Variants in CHST8 observed in about 807,000 individuals in gnomAD.
CHST8 encodes the protein carbohydrate sulfotransferase 8.
CHST8 carries 10 observed loss-of-function variants against 15.0 expected under a neutral mutation model. The observed-to-expected ratio is 0.67, with a 90% CI of 0.41 to 1.13. The LOEUF (loss-of-function observed/expected upper bound fraction) is 1.13. Among genes scored for constraint, CHST8 ranks in the 50% most tolerant of loss-of-function variants. CHST8 has a pLI of 0.00. For synonymous variants in CHST8, 259 were observed against 256.6 expected (o/e 1.01, Z -0.09); for missense variants, 634 against 608.2 (o/e 1.04, Z -0.45).
chr19:33,633,369 G>A (rs1409870392), intron 1 of CHST8, among the ~76,000 whole-genome samples: 2 of 152,130 alleles, frequency 1.3e-5, no homozygotes, highest in African/African-American at 4.8e-5. Context: ...ATATTCTTGT[G>A]TGTGTCTCTT....
chr19:33,744,036 C>T (rs916301154), intron 3 of CHST8, among the ~76,000 whole-genome samples: 11 of 152,184 alleles, frequency 7.2e-5, no homozygotes, highest in African/African-American at 2.7e-4. Flanking sequence ...GGTGATCCAC[C>T]TGCCTTGGCC....
intron 3 of CHST8, among the ~76,000 whole-genome samples, chr19:33,757,526 A>AGAGAG (rs1568358815): frequency 1.1e-4 from 2 of 17,656 alleles, no homozygotes; most frequent in African/African-American, 2.3e-4. Context: ...AAGAAAGAGA[A>AGAGAG]AGAAAGAAAG....
chr19:33,661,867 CAAAAAAAAA>C (rs34236738), intron 1 of CHST8, among the ~76,000 whole-genome samples: 20 of 76,702 alleles, frequency 2.6e-4, no homozygotes, highest in South Asian at 1.9e-3. Flanking sequence ...TTCATCTTTA[CAAAAAAAAA>C]AAAAAAAAAA....
intron 3 of CHST8, among the ~76,000 whole-genome samples, chr19:33,746,862 G>T (rs1011130540): frequency 6.6e-6 from 1 of 151,590 alleles, no homozygotes; most frequent in Non-Finnish European, 1.5e-5. Flanking sequence ...TCCATAAGAT[G>T]CTCTGGTCAT....
chr19:33,658,972 T>C (rs542378108), intron 1 of CHST8, among the ~76,000 whole-genome samples: 173 of 152,168 alleles, frequency 1.1e-3, no homozygotes, highest in African/African-American at 3.9e-3. Context: ...ATTTATACTT[T>C]TCTACTAAAA....
chr19:33,756,839 C>G (rs1397404973), intron 3 of CHST8, among the ~76,000 whole-genome samples: 3 of 152,254 alleles, frequency 2.0e-5, no homozygotes, highest in Non-Finnish European at 4.4e-5. Flanking sequence ...GTCTCTCCGC[C>G]CTCCCCACTT....
intron 1 of CHST8, among the ~76,000 whole-genome samples, chr19:33,643,956 G>A (rs918791527): frequency 1.5e-4 from 23 of 151,552 alleles, no homozygotes; most frequent in Admixed American, 1.1e-3. Context: ...TTTTTGAAAC[G>A]GAGTCTCGCT....
chr19:33,703,632 G>A (rs1292172968), intron 3 of CHST8, among the ~76,000 whole-genome samples: 1 of 152,242 alleles, frequency 6.6e-6, no homozygotes, highest in East Asian at 1.9e-4. Flanking sequence ...CTTGCATTGA[G>A]GTTGACACCA....
At chr19:33,771,737 G>A (rs988305129) in intron 4 of CHST8, among the ~76,000 whole-genome samples, 2 of 152,116 alleles carry the variant, frequency 1.3e-5, no homozygotes, top group African/African-American at 2.4e-5. Flanking sequence ...TGGGAGGACC[G>A]CGCCATCTTG....
intron 3 of CHST8, among the ~76,000 whole-genome samples, chr19:33,695,462 C>G (rs756561482): frequency 6.6e-6 from 1 of 152,044 alleles, no homozygotes; most frequent in Admixed American, 6.6e-5. Context: ...TTTTTGGTTA[C>G]GTGGGTAAGT....
At chr19:33,762,406 G>A (rs565042763) in intron 3 of CHST8, among the ~76,000 whole-genome samples, 36 of 152,350 alleles carry the variant, frequency 2.4e-4, no homozygotes, top group African/African-American at 8.4e-4. Flanking sequence ...AGCTCCAAGG[G>A]AATTCACGAC....
intron 3 of CHST8, among the ~76,000 whole-genome samples, chr19:33,749,059 G>A (rs1974365253): frequency 6.6e-6 from 1 of 152,168 alleles, no homozygotes; most frequent in African/African-American, 2.4e-5. Flanking sequence ...CAGCAAGGGG[G>A]GCCCCCAGCA....
chr19:33,653,846 G>T (rs969382067), intron 1 of CHST8, among the ~76,000 whole-genome samples: 5 of 152,180 alleles, frequency 3.3e-5, no homozygotes, highest in Non-Finnish European at 7.3e-5. Flanking sequence ...AAACCTTGGT[G>T]ATTAATGTTC....
chr19:33,684,970 C>G (rs565873235), intron 2 of CHST8: 30 of 152,384 alleles, frequency 2.0e-4, no homozygotes, highest in Admixed American at 1.8e-3. Flanking sequence ...CTCTCCTGCC[C>G]GTGTGGTGCA....
At position 33,772,439 on chromosome 19, in the gene CHST8, G is replaced by A. The variant is rs931362185; in HGVS notation, c.651G>A (p.Ser217=). The A allele has an allele frequency of 1.9e-6, 3 of 1,611,726 alleles. No individual in the cohort carries two copies. The highest frequency in any genetic ancestry group is 1.7e-5 in the Admixed American group (1 of 60,024). The change falls in exon 5 of 5, where the codon TCG becomes TCA. Residue 217 remains serine, a synonymous_variant. Transcript: ENST00000650847. The stretch of plus-strand genomic sequence containing the variant: ...TCATGGTGCTGGCCGGCCTGGCCTC[G>A]TCCACTGCCGACATCCAGCACAACA... The part of the protein sequence containing the change: ...RVLMVLAGLA[S]STADIQHNTV...
chr19:33,676,847 A>T (rs1307833508), intron 2 of CHST8, among the ~76,000 whole-genome samples: 1 of 151,962 alleles, frequency 6.6e-6, no homozygotes, highest in Non-Finnish European at 1.5e-5. Flanking sequence ...ACTGCACTCC[A>T]GCCCAGGTGA....
intron 2 of CHST8, among the ~76,000 whole-genome samples, chr19:33,687,748 C>G (rs1028647448): frequency 3.9e-5 from 6 of 152,190 alleles, no homozygotes; most frequent in Admixed American, 2.0e-4. Flanking sequence ...GAGTCGTGGG[C>G]AGGGGAGCAG....
At chr19:33,701,585 A>G (rs867188455) in intron 3 of CHST8, among the ~76,000 whole-genome samples, 22 of 152,368 alleles carry the variant, frequency 1.4e-4, no homozygotes, top group African/African-American at 4.8e-4. Flanking sequence ...ATGTTTTAAA[A>G]GGAACTACAG....
intron 3 of CHST8, among the ~76,000 whole-genome samples, chr19:33,749,116 C>T (rs964328528): frequency 4.6e-5 from 7 of 152,118 alleles, no homozygotes; most frequent in Admixed American, 6.5e-5. Context: ...CCAGGGATGG[C>T]AGCAAAAGCA....
Sources: allele counts gnomAD v4.1 joint callset (sites outside exome capture counted in the v4.1 genomes callset), GRCh38; gene constraint gnomAD v4.1.1; transcripts MANE v1.5; gene names NCBI Gene and HGNC (gene_info 2026-07-23, HGNC 2026-07-21).